Variants in SFSWAP observed in about 807,000 individuals in gnomAD.
SFSWAP encodes the protein splicing factor, suppressor of white-apricot homolog.
In SFSWAP, 17 loss-of-function variants were observed where a neutral mutation model predicts 100.7. The observed-to-expected ratio is 0.17, with a 90% CI of 0.12 to 0.25. The LOEUF is 0.25. SFSWAP is among the 10% of genes least tolerant of loss of function. The pLI, the probability that SFSWAP is intolerant of heterozygous loss-of-function variation, is 1.00. For synonymous variants in SFSWAP, 504 were observed against 510.1 expected (o/e 0.99, Z 0.16); for missense variants, 1,005 against 1,262.6 (o/e 0.80, Z 3.09).
intron 14 of SFSWAP, among the ~76,000 whole-genome samples, chr12:131,782,948 A>G (rs563093485): frequency 1.2e-3 from 184 of 152,316 alleles, no homozygotes; most frequent in African/African-American, 4.3e-3. Context: ...AAGGAGGCTG[A>G]TGCAGGTGGA....
intron 13 of SFSWAP, among the ~76,000 whole-genome samples, chr12:131,774,542 C>T (rs1883861769): frequency 6.6e-6 from 1 of 152,144 alleles, no homozygotes; most frequent in Admixed American, 6.5e-5. Context: ...GTACGTCTGC[C>T]CCCCTACATT....
At chr12:131,727,549 G>A (rs1593117957) in intron 6 of SFSWAP, among the ~76,000 whole-genome samples, 1 of 152,170 alleles carries the variant, frequency 6.6e-6, no homozygotes, top group African/African-American at 2.4e-5. Flanking sequence ...GGAGGCTGAG[G>A]CACGAGAATT....
At chr12:131,791,763 A>G (rs1885243936) in intron 15 of SFSWAP, among the ~76,000 whole-genome samples, 1 of 152,202 alleles carries the variant, frequency 6.6e-6, no homozygotes, top group Non-Finnish European at 1.5e-5. Flanking sequence ...AGAAAGAAAG[A>G]AGGGATACTC....
chr12:131,711,311 G>C lies in SFSWAP; in HGVS notation c.82G>C (p.Gly28Arg). ...KEEAGPGGAG[G>R]GGSRVELLVF... is the part of the protein sequence containing the mutation. Reference sequence around the variant, plus strand: ...GGAGGCCGGGCCAGGCGGTGCCGGCGGTGGGGGCAGCCGAGTGGAGCTCTT... The same window carrying C: ...GGAGGCCGGGCCAGGCGGTGCCGGCCGTGGGGGCAGCCGAGTGGAGCTCTT... Residue 28 changes from glycine (G) to arginine (R), a missense_variant, in exon 1 of 18, where the codon GGT becomes CGT. Physicochemically the swap from Gly to Arg is moderately radical, Grantham distance 125. This residue lies in a region of SFSWAP where 237 missense variants were observed against 337.0 expected (regional missense o/e 0.70). Coordinates refer to ENST00000261674, the MANE Select transcript of SFSWAP (RefSeq NM_004592.4). This position sits in a 1 kb window ranked among gnomAD's most constrained non-coding sequence, Gnocchi z 4.9. 1 of 1,613,424 alleles carries C rather than the reference G, an allele frequency of 6.2e-7. No individual in the cohort carries two copies.
chr12:131,738,075 A>T (rs937072723), intron 7 of SFSWAP, among the ~76,000 whole-genome samples: 1 of 152,052 alleles, frequency 6.6e-6, no homozygotes, highest in African/African-American at 2.4e-5. Context: ...TAAAATGCCA[A>T]CTCAGTTTTT....
intron 13 of SFSWAP, among the ~76,000 whole-genome samples, chr12:131,770,982 T>G (rs1883544664): frequency 6.6e-6 from 1 of 152,228 alleles, no homozygotes; most frequent in Non-Finnish European, 1.5e-5. Context: ...CGTGGTATCC[T>G]CTGGGTCCAG....
At chr12:131,745,754 CT>C (rs543730565) in intron 7 of SFSWAP, among the ~76,000 whole-genome samples, 639 of 123,264 alleles carry the variant, frequency 5.2e-3, no homozygotes, top group Non-Finnish European at 6.5e-3. Context: ...TTTAGTAAGG[CT>C]TTTTTTTTTT....
rs181104200 is a variant in SFSWAP at position 131,793,092 on chromosome 12, C to A, written c.2535-4086C>A. 6.6e-3 allele frequency among the ~76,000 whole-genome samples: 968 copies of A among 146,296 alleles called. 11 individuals are homozygous for A. The highest frequency in any genetic ancestry group is 0.021 in the African/African-American group (859 of 40,136). ...AGTGAGGAAAAAGAGAAAGGAAAGT[C>A]TTTTTTTTTTTTGAGACAGGGTCTC... On this transcript the variant is annotated intron_variant, in intron 15 of 17. Transcript: ENST00000261674.
At chr12:131,799,200 G>A in intron 17 of SFSWAP, 91 bp downstream of exon 17, 2 of 1,154,172 alleles carry the variant, frequency 1.7e-6, no homozygotes, top group African/African-American at 1.5e-5. Flanking sequence ...TGTCCCTCCT[G>A]TCCCTGTCAT....
At position 131,714,966 on chromosome 12, in the gene SFSWAP, C is replaced by T. The variant is rs746329909; in HGVS notation, c.520+13C>T. On this transcript the variant is annotated intron_variant, in intron 3 of 17. Transcript: ENST00000261674. The surrounding 1 kb of genome is among the most constrained non-coding windows in gnomAD (Gnocchi z 6.0). The stretch of plus-strand genomic sequence containing the variant: ...TCCAAACAGAGAGGTGAGTGGGGAG[C>T]TGCCTGGACTGCTGGTGTAGGGCTA... 1.2e-6 allele frequency: 2 copies of T among 1,613,502 alleles called. No homozygotes were observed. Among genetic ancestry groups the T allele is most frequent in the Non-Finnish European group, 1.7e-6 (2 of 1,179,932 alleles).
chr12:131,747,876 G>C (rs1262587170), intron 7 of SFSWAP, among the ~76,000 whole-genome samples: 1 of 152,258 alleles, frequency 6.6e-6, no homozygotes, highest in Non-Finnish European at 1.5e-5. Flanking sequence ...GGCTGGAGAA[G>C]TGAATTTTGC....
intron 15 of SFSWAP, among the ~76,000 whole-genome samples, chr12:131,793,858 A>G (rs907733953): frequency 6.6e-6 from 1 of 152,054 alleles, no homozygotes; most frequent in Non-Finnish European, 1.5e-5. Flanking sequence ...GATGCAACCA[A>G]CGAGACAGGA....
intron 14 of SFSWAP, among the ~76,000 whole-genome samples, chr12:131,780,495 T>C (rs1295242734): frequency 6.6e-6 from 1 of 151,526 alleles, no homozygotes; most frequent in Non-Finnish European, 1.5e-5. Context: ...CTACAAAATA[T>C]TTTTTTTTAA....
chr12:131,774,229 A>C (rs1045425091), intron 13 of SFSWAP, among the ~76,000 whole-genome samples: 7 of 152,164 alleles, frequency 4.6e-5, no homozygotes, highest in African/African-American at 1.7e-4. Context: ...GCAACGCCGC[A>C]GTGTTGGTTA....
rs190284441 is a variant in SFSWAP at position 131,751,687 on chromosome 12, A to C, written c.1082-1436A>C. Among the ~76,000 whole-genome samples, 671 of 152,358 alleles carry C rather than the reference A, an allele frequency of 4.4e-3. 7 individuals carry two copies. The highest frequency in any genetic ancestry group is 0.014 in the African/African-American group (574 of 41,582). The stretch of plus-strand genomic sequence containing the variant: ...TTTGATAGGAAGCCTATGTTGGACC[A>C]TCAGGTCAGTTCGTTGGTCCAGCAC... On this transcript the variant is annotated intron_variant, in intron 7 of 17. Transcript: ENST00000261674.
intron 7 of SFSWAP, among the ~76,000 whole-genome samples, chr12:131,748,842 G>A (rs1023056590): frequency 3.9e-5 from 6 of 152,108 alleles, no homozygotes; most frequent in African/African-American, 1.4e-4. Context: ...TTTCTTTCTT[G>A]GATTTATTTG....
chr12:131,781,155 G>A (rs773321975), intron 14 of SFSWAP, among the ~76,000 whole-genome samples: 54 of 151,602 alleles, frequency 3.6e-4, no homozygotes, highest in Non-Finnish European at 1.9e-4. Context: ...TTTTAGAATC[G>A]ATTTAGAGTT....
intron 15 of SFSWAP, among the ~76,000 whole-genome samples, chr12:131,791,866 G>A (rs1885251534): frequency 6.6e-6 from 1 of 152,260 alleles, no homozygotes; most frequent in Admixed American, 6.5e-5. Context: ...TTCTGTGTTT[G>A]GGGGAGGGGG....
intron 7 of SFSWAP, among the ~76,000 whole-genome samples, chr12:131,737,875 C>T (rs1328251691): frequency 6.6e-6 from 1 of 151,912 alleles, no homozygotes; most frequent in Non-Finnish European, 1.5e-5. Flanking sequence ...ATGTGTAAAA[C>T]TAACAATTTA....
Sources: gnomAD v4.1 joint callset for allele counts (sites outside exome capture counted in the v4.1 genomes callset) on GRCh38, gnomAD v4.1.1 for gene constraint, gnomAD v4.1.1 regional missense constraint, Gnocchi (gnomAD v3.1) non-coding constraint, MANE v1.5 for transcripts, NCBI Gene and HGNC (gene_info 2026-07-23, HGNC 2026-07-21) for gene names.